Variants in PLPPR5 observed in about 807,000 individuals in gnomAD.
PLPPR5 encodes the protein phospholipid phosphatase related 5.
PLPPR5 carries 16 observed loss-of-function variants against 33.9 expected under a neutral mutation model. The ratio of observed to expected loss-of-function variants is 0.47; its 90% CI spans 0.32 to 0.72. The LOEUF is 0.72. Ranked by LOEUF, PLPPR5 falls within the 30% of genes least tolerant of loss-of-function variation. The pLI is 0.03. For synonymous variants in PLPPR5, 163 were observed against 150.3 expected (o/e 1.08, Z -0.62); for missense variants, 301 against 406.7 (o/e 0.74, Z 2.23).
intron 1 of PLPPR5, among the ~76,000 whole-genome samples, chr1:98,981,056 C>G (rs1004025553): frequency 1.3e-5 from 2 of 151,946 alleles, no homozygotes; most frequent in Non-Finnish European, 2.9e-5. Flanking sequence ...CAGCTGAGAT[C>G]CATGTGCTAA....
At chr1:98,999,252 A>G (rs1652740506) in intron 1 of PLPPR5, among the ~76,000 whole-genome samples, 1 of 152,214 alleles carries the variant, frequency 6.6e-6, no homozygotes, top group South Asian at 2.1e-4. Context: ...ACACGTATAC[A>G]GCTGGGCACT....
At chr1:98,954,019 ATTATAGGTT>A (rs764424640) in intron 2 of PLPPR5, among the ~76,000 whole-genome samples, 6 of 152,152 alleles carry the variant, frequency 3.9e-5, no homozygotes, top group Non-Finnish European at 7.4e-5. Flanking sequence ...GGCAATCAAA[ATTATAGGTT>A]ATTAATGATT....
chr1:98,932,374 G>T (rs1158189234), intron 3 of PLPPR5, among the ~76,000 whole-genome samples: 6 of 152,132 alleles, frequency 3.9e-5, no homozygotes, highest in African/African-American at 1.2e-4. Context: ...GGAGACAGGG[G>T]TTATGTTTGT....
chr1:98,951,989 G>A (rs1423263690), intron 3 of PLPPR5, among the ~76,000 whole-genome samples: 4 of 152,170 alleles, frequency 2.6e-5, no homozygotes, highest in Non-Finnish European at 5.9e-5. Flanking sequence ...CTGGCCGGGT[G>A]CAGCAGCTCA....
chr1:98,927,204 C>A (rs1315947862), intron 3 of PLPPR5, among the ~76,000 whole-genome samples: 1 of 152,188 alleles, frequency 6.6e-6, no homozygotes, highest in Non-Finnish European at 1.5e-5. Context: ...ATCATAAGCA[C>A]CCATCTTTCA....
intron 3 of PLPPR5, among the ~76,000 whole-genome samples, chr1:98,928,547 T>TAATATATATATATATATATA (rs1649845626): frequency 2.1e-5 from 1 of 47,518 alleles, no homozygotes; most frequent in Non-Finnish European, 4.5e-5. Flanking sequence ...AAGTTTTAAA[T>TAATATATATATATATATATA]CATATATATA....
At position 98,953,294 on chromosome 1, in the gene PLPPR5, T is replaced by A; in HGVS notation, c.397A>T (p.Thr133Ser). The A allele has an allele frequency of 6.2e-7, 1 of 1,613,726 alleles. No homozygotes were observed. The highest frequency in any genetic ancestry group is 1.7e-5 in the Admixed American group (1 of 59,950). Reference protein sequence around the residue: ...LGIYTFGLFATDIFVNAGQVV... With the variant: ...LGIYTFGLFASDIFVNAGQVV... ...TGTCCAGCATTTACAAAGATATCTG[T>A]AGCAAACAGTCCAAATGTATAAATT... The change falls in exon 3 of 6, where the codon ACA becomes TCA. Residue 133 changes from threonine (T) to serine (S), a missense_variant. Coordinates refer to ENST00000263177, the MANE Select transcript of PLPPR5 (RefSeq NM_001037317.2).
At chr1:98,936,009 A>T (rs954520539) in intron 3 of PLPPR5, among the ~76,000 whole-genome samples, 3 of 152,190 alleles carry the variant, frequency 2.0e-5, no homozygotes, top group African/African-American at 7.2e-5. Flanking sequence ...GGAATGAAGT[A>T]GTTCTGAGAA....
intron 5 of PLPPR5, among the ~76,000 whole-genome samples, chr1:98,897,943 T>C (rs1170683256): frequency 6.6e-6 from 1 of 151,970 alleles, no homozygotes; most frequent in Non-Finnish European, 1.5e-5. Flanking sequence ...CAGAAACAGC[T>C]AAAAAGGAAA....
At chr1:98,907,391 G>A (rs1881161) in intron 5 of PLPPR5, among the ~76,000 whole-genome samples, 75,768 of 151,436 alleles carry the variant, frequency 0.5, 19,756 homozygotes, top group East Asian at 0.76. Context: ...TAGTAGAGGC[G>A]GGGTTTTGTC....
chr1:98,958,397 C>T (rs67078836), intron 1 of PLPPR5, among the ~76,000 whole-genome samples: 58,241 of 150,826 alleles, frequency 0.39, 12,605 homozygotes, highest in Non-Finnish European at 0.5. Context: ...TTTCCTCTTT[C>T]TTTTTTTAAC....
In PLPPR5 at chr1:99,004,416, C is replaced by G; in HGVS notation, c.237+19G>C. The G allele has an allele frequency of 2.5e-6, 4 of 1,572,002 alleles. No individual in the cohort carries two copies. The highest frequency in any genetic ancestry group is 3.5e-6 in the Non-Finnish European group (4 of 1,155,284). On this transcript the variant is annotated intron_variant, in intron 1 of 5. Transcript: ENST00000263177. ...GAGATCAGGGACTCGGCGACGAGGG[C>G]GAGCGCCCCCGGGCTTACCACGAGC...
In PLPPR5 at chr1:98,890,745, G is replaced by A. The variant is rs1648242829; in HGVS notation, c.*2327C>T. 1 of 152,450 alleles carries A rather than the reference G, an allele frequency of 6.6e-6. No individual in the cohort carries two copies. Among genetic ancestry groups the A allele is most frequent in the South Asian group, 2.1e-4 (1 of 4,830 alleles). The allele number at this position is 152,450 out of a possible 1,614,324, so 9.4% of individuals were successfully genotyped here. On this transcript the variant is annotated 3_prime_UTR_variant, in exon 6 of 6. Coordinates refer to ENST00000263177, the MANE Select transcript of PLPPR5 (RefSeq NM_001037317.2). ...TTTCTGGCTTTTGCCTTATTCACAT[G>A]TATCTTGCCTTTTTCATCTGAATTT...
intron 5 of PLPPR5, among the ~76,000 whole-genome samples, chr1:98,914,075 C>T (rs1350498119): frequency 2.6e-5 from 4 of 152,098 alleles, no homozygotes; most frequent in African/African-American, 4.8e-5. Flanking sequence ...TGAATGTGTG[C>T]CAGGCATTGT....
chr1:98,920,610 G>A (rs1962520), intron 4 of PLPPR5, among the ~76,000 whole-genome samples: 102 of 22,096 alleles, frequency 4.6e-3, no homozygotes, highest in East Asian at 0.013. Context: ...AAAAAAAAAA[G>A]CAGCACAGGA....
chr1:98,998,684 G>A (rs1652717318), intron 1 of PLPPR5, among the ~76,000 whole-genome samples: 1 of 152,162 alleles, frequency 6.6e-6, no homozygotes, highest in South Asian at 2.1e-4. Flanking sequence ...AGCCTTTGGT[G>A]ATTCTGCCAT....
Position 98,890,289 on chromosome 1 carries a change from A to G in PLPPR5, c.*2783T>C, listed in dbSNP as rs765737004. 1 of 152,574 alleles carries G rather than the reference A, an allele frequency of 6.6e-6. No individual in the cohort carries two copies. The highest frequency in any genetic ancestry group is 2.4e-5 in the African/African-American group (1 of 41,448). 9.5% of individuals were successfully genotyped at this position (152,574 alleles called of 1,614,324 possible). ...TTTAAATTTTTATTTGAAAAATACA[A>G]TACACAGCAGAGAATTATTTCCTCC... On this transcript the variant is annotated 3_prime_UTR_variant, in exon 6 of 6. Transcript: ENST00000263177.
intron 1 of PLPPR5, among the ~76,000 whole-genome samples, chr1:98,969,727 T>G (rs1234573608): frequency 3.4e-5 from 2 of 59,006 alleles, no homozygotes; most frequent in African/African-American, 2.1e-4. Flanking sequence ...CCTCTTTTTC[T>G]CCTTCCTTCC....
intron 1 of PLPPR5, among the ~76,000 whole-genome samples, chr1:99,001,962 A>G (rs551275473): frequency 1.9e-4 from 29 of 152,098 alleles, no homozygotes; most frequent in African/African-American, 6.5e-4. Context: ...GATAATGCAA[A>G]TATTAGAAGG....
Sources: gnomAD v4.1 joint callset for allele counts (sites outside exome capture counted in the v4.1 genomes callset) on GRCh38, gnomAD v4.1.1 for gene constraint, MANE v1.5 for transcripts, NCBI Gene and HGNC (gene_info 2026-07-23, HGNC 2026-07-21) for gene names.